FMN2: variants seen among roughly 807,000 people sequenced by gnomAD.
The protein encoded by FMN2 is formin 2.
FMN2 carries 51 observed loss-of-function variants against 142.3 expected under a neutral mutation model. The ratio of observed to expected loss-of-function variants is 0.36; its 90% CI spans 0.29 to 0.45. The LOEUF is 0.45. FMN2 is among the 20% of genes least tolerant of loss of function. FMN2 has a pLI of 1.00. For missense variants in FMN2, 1,936 were observed against 2,122.8 expected, an observed-to-expected ratio of 0.91 and a Z score of 1.73; for synonymous variants, 882 against 869.8, an observed-to-expected ratio of 1.01 and a Z score of -0.25.
intron 2 of FMN2, among the ~76,000 whole-genome samples, chr1:240,157,289 G>C (rs1054477901): frequency 6.6e-6 from 1 of 152,148 alleles, no homozygotes; most frequent in Non-Finnish European, 1.5e-5. Context: ...AATTACTCAA[G>C]AACTGAGCTT....
chr1:240,328,685 G>A (rs1047775998), intron 8 of FMN2, among the ~76,000 whole-genome samples: 6 of 151,866 alleles, frequency 4.0e-5, no homozygotes, highest in African/African-American at 1.5e-4. Flanking sequence ...CTCCTCCCAG[G>A]TTCAGGTGAT....
intron 6 of FMN2, among the ~76,000 whole-genome samples, chr1:240,238,175 CTG>C (rs756466283): frequency 2.0e-5 from 3 of 152,098 alleles, no homozygotes; most frequent in Non-Finnish European, 4.4e-5. Flanking sequence ...ATGCAGCTGA[CTG>C]TAGTGCTTTG....
At chr1:240,412,568 A>G (rs1674434382) in intron 15 of FMN2, among the ~76,000 whole-genome samples, 1 of 152,150 alleles carries the variant, frequency 6.6e-6, no homozygotes, top group South Asian at 2.1e-4. Flanking sequence ...AAACACAAGA[A>G]AATGATGATG....
chr1:240,326,202 G>A (rs186044707), intron 8 of FMN2, among the ~76,000 whole-genome samples: 34 of 152,286 alleles, frequency 2.2e-4, no homozygotes, highest in African/African-American at 7.0e-4. Context: ...GAGAGAAAAA[G>A]AGAAACTATG....
intron 6 of FMN2, among the ~76,000 whole-genome samples, chr1:240,256,821 T>C (rs778122320): frequency 6.6e-6 from 1 of 152,148 alleles, no homozygotes; most frequent in Non-Finnish European, 1.5e-5. Context: ...TCTGAAAGTG[T>C]TATGTTTTAT....
intron 8 of FMN2, among the ~76,000 whole-genome samples, chr1:240,317,232 C>T (rs1415405998): frequency 6.6e-6 from 1 of 151,966 alleles, no homozygotes; most frequent in Non-Finnish European, 1.5e-5. Context: ...AGGAGAATTG[C>T]TTGAACCCAG....
rs1003108547 is a variant in FMN2 at position 240,341,309 on chromosome 1, T to C, written c.4765+7080T>C. ...TTTTCAGCTGTTGTTTCATCTGAAA[T>C]GAATTCATCTTCCACTCAGTGATTT... On this transcript the variant is annotated intron_variant, in intron 13 of 17. Coordinates refer to ENST00000319653, the MANE Select transcript of FMN2 (RefSeq NM_020066.5). 2.0e-5 allele frequency: 3 copies of C among 152,330 alleles called. 1 individual carries two copies. In the South Asian group the frequency reaches 6.2e-4, roughly 32 times the overall value. 9.4% of individuals were successfully genotyped at this position (152,330 alleles called of 1,614,324 possible).
intron 13 of FMN2, among the ~76,000 whole-genome samples, chr1:240,348,844 G>T (rs548456374): frequency 9.2e-5 from 14 of 152,144 alleles, no homozygotes; most frequent in Admixed American, 9.2e-4. Flanking sequence ...CTGTTTCTAT[G>T]TTTTTTGTTT....
At chr1:240,242,352 A>T (rs1376804242) in intron 6 of FMN2, among the ~76,000 whole-genome samples, 1 of 152,216 alleles carries the variant, frequency 6.6e-6, no homozygotes, top group Non-Finnish European at 1.5e-5. Context: ...GAGAAGTCAG[A>T]TGGACACTAG....
At chr1:240,361,141 G>GTATATATATATATATATATATA (rs202070560) in intron 14 of FMN2, among the ~76,000 whole-genome samples, 1 of 43,274 alleles carries the variant, frequency 2.3e-5, no homozygotes. Context: ...AAATATATGT[G>GTATATATATATATATATATATA]TATATATATA....
At chr1:240,360,810 T>C (rs1319415548) in intron 14 of FMN2, among the ~76,000 whole-genome samples, 3 of 152,158 alleles carry the variant, frequency 2.0e-5, no homozygotes, top group Non-Finnish European at 4.4e-5. Flanking sequence ...GATGAGTTCA[T>C]GTTCTTCGTA....
intron 16 of FMN2, among the ~76,000 whole-genome samples, chr1:240,439,732 T>C (rs901009080): frequency 6.6e-6 from 1 of 152,192 alleles, no homozygotes; most frequent in African/African-American, 2.4e-5. Flanking sequence ...AATAAGCGTA[T>C]GCGAATCACT....
At chr1:240,190,810 T>C (rs778247135) in intron 4 of FMN2, among the ~76,000 whole-genome samples, 1 of 152,214 alleles carries the variant, frequency 6.6e-6, no homozygotes. Context: ...AGATACATTA[T>C]AGAGGCAAAT....
chr1:240,367,352 G>A (rs960704614), intron 14 of FMN2, among the ~76,000 whole-genome samples: 1 of 152,066 alleles, frequency 6.6e-6, no homozygotes, highest in Non-Finnish European at 1.5e-5. Flanking sequence ...CCCAAGCCCT[G>A]CTCCCACTTT....
intron 13 of FMN2, among the ~76,000 whole-genome samples, chr1:240,347,874 G>T (rs1294854267): frequency 6.6e-6 from 1 of 152,112 alleles, no homozygotes; most frequent in African/African-American, 2.4e-5. Flanking sequence ...ACATGATTTT[G>T]TTCTGTTTCA....
intron 14 of FMN2, among the ~76,000 whole-genome samples, chr1:240,359,340 G>A (rs1672384089): frequency 6.6e-6 from 1 of 151,928 alleles, no homozygotes; most frequent in Non-Finnish European, 1.5e-5. Flanking sequence ...CATTTATATG[G>A]GTATGATTAT....
At chr1:240,258,233 CCTTA>C (rs1668515866) in intron 7 of FMN2, among the ~76,000 whole-genome samples, 1 of 152,034 alleles carries the variant, frequency 6.6e-6, no homozygotes, top group Non-Finnish European at 1.5e-5. Flanking sequence ...TATTTATATA[CCTTA>C]CTAACAGTCT....
intron 6 of FMN2, among the ~76,000 whole-genome samples, chr1:240,225,786 C>T (rs1667276738): frequency 6.6e-6 from 1 of 152,210 alleles, no homozygotes; most frequent in East Asian, 1.9e-4. Context: ...CTTCAAAGAA[C>T]TCCAGGCAAC....
At chr1:240,184,428 G>C (rs918318737) in intron 3 of FMN2, among the ~76,000 whole-genome samples, 1 of 150,844 alleles carries the variant, frequency 6.6e-6, no homozygotes, top group East Asian at 2.0e-4. Context: ...TAGAGACGGG[G>C]TTTCACCGTA....
Sources: gnomAD v4.1 joint callset for allele counts (sites outside exome capture counted in the v4.1 genomes callset) on GRCh38, gnomAD v4.1.1 for gene constraint, MANE v1.5 for transcripts, NCBI Gene and HGNC (gene_info 2026-07-23, HGNC 2026-07-21) for gene names.